Variants in ZNF383 observed in about 807,000 individuals in gnomAD.
ZNF383 encodes the protein zinc finger protein 383.
In ZNF383, 32 loss-of-function variants were observed where a neutral mutation model predicts 44.2. The observed-to-expected ratio is 0.72, with a 90% CI of 0.55 to 0.97. The LOEUF (loss-of-function observed/expected upper bound fraction) is 0.97, where lower values mean the gene tolerates loss of function less well. ZNF383 is among the 50% of genes least tolerant of loss of function. The pLI is 0.00. For missense variants in ZNF383, 487 were observed against 562.5 expected (o/e 0.87, Z 1.36); for synonymous variants, 155 against 186.2 (o/e 0.83, Z 1.36).
chr19:37,223,571 TTTGGG>T (rs1449691794), intron 1 of ZNF383, among the ~76,000 whole-genome samples: 1 of 152,074 alleles, frequency 6.6e-6, no homozygotes, highest in Non-Finnish European at 1.5e-5. Context: ...TATCCCAATG[TTTGGG>T]ATTTAAGCAA....
chr19:37,232,150 A>G (rs1973522219), intron 3 of ZNF383, among the ~76,000 whole-genome samples: 1 of 150,620 alleles, frequency 6.6e-6, no homozygotes, highest in Admixed American at 6.6e-5. Flanking sequence ...ATCTCGGCTC[A>G]CTGCAACCTC....
chr19:37,229,089 C>A (rs952324454), intron 2 of ZNF383, among the ~76,000 whole-genome samples: 2 of 147,654 alleles, frequency 1.4e-5, no homozygotes, highest in African/African-American at 2.5e-5. Flanking sequence ...AAAAGGAGTT[C>A]TTTCAGCACA....
At position 37,243,336 on chromosome 19, in the gene ZNF383, A is replaced by G; in HGVS notation, c.1100A>G (p.Asp367Gly). The change falls in exon 6 of 6, where the codon GAT (aspartate) becomes GGT (glycine). Residue 367 changes from aspartate to glycine, a missense_variant. Transcript: ENST00000684119. ...ATTCACACTGGTGAGAAACCCTATG[A>G]TTGTAAGGAATGTGGAAAGGCTTTT... ...QRIHTGEKPY[D>G]CKECGKAFTQ... The G allele has an allele frequency of 5.6e-6, 9 of 1,614,166 alleles. No homozygotes were observed. The highest frequency in any genetic ancestry group is 7.6e-6 in the Non-Finnish European group (9 of 1,180,024).
At position 37,235,556 on chromosome 19, in the gene ZNF383, T is replaced by A. The variant is rs564068780; in HGVS notation, c.17T>A (p.Val6Glu). 1.9e-6 allele frequency: 3 copies of A among 1,614,076 alleles called. No individual in the cohort carries two copies. Among genetic ancestry groups the A allele is most frequent in the East Asian group, 4.5e-5 (2 of 44,876 alleles). MAEGS[V>E]MFSDVSIDFS... ...GTATGTTTATTGTTTCAGGGATCAGTGATGTTCAGTGATGTGTCCATAGAC... is the reference window on the plus strand; with the variant it reads ...GTATGTTTATTGTTTCAGGGATCAGAGATGTTCAGTGATGTGTCCATAGAC... The change falls in exon 4 of 6, where the codon GTG (valine) becomes GAG (glutamate). Residue 6 changes from valine (V) to glutamate (E), a missense_variant. By Grantham distance (121) the Val-to-Glu change is moderately radical. Coordinates refer to ENST00000684119, the MANE Select transcript of ZNF383 (RefSeq NM_001387601.1).
chr19:37,240,015 C>T (rs1007342703), intron 5 of ZNF383, among the ~76,000 whole-genome samples: 51 of 152,058 alleles, frequency 3.4e-4, no homozygotes, highest in Admixed American at 1.5e-3. Context: ...AAAAATTAGC[C>T]GGGCGTGGTG....
At chr19:37,218,632 G>T (rs1972783211) in intron 1 of ZNF383, among the ~76,000 whole-genome samples, 1 of 152,096 alleles carries the variant, frequency 6.6e-6, no homozygotes, top group African/African-American at 2.4e-5. Context: ...CTGTGTGTTA[G>T]TCTGAGGGGT....
At chr19:37,233,438 T>A (rs767535670) in intron 3 of ZNF383, among the ~76,000 whole-genome samples, 1 of 140,934 alleles carries the variant, frequency 7.1e-6, no homozygotes, top group Non-Finnish European at 1.5e-5. Context: ...GCTGTTTTTA[T>A]TTTTTTTTTG....
rs1974296936 is a variant in ZNF383, at chr19:37,244,806, A to G, written c.*1142A>G. 1 of 152,232 alleles carries G rather than the reference A, an allele frequency of 6.6e-6. No individual in the cohort carries two copies. Among genetic ancestry groups the G allele is most frequent in the East Asian group, 1.9e-4 (1 of 5,202 alleles). 9.4% of individuals were successfully genotyped at this position (152,232 alleles called of 1,614,324 possible). On this transcript the variant is annotated 3_prime_UTR_variant, in exon 6 of 6. Coordinates refer to ENST00000684119, the MANE Select transcript of ZNF383 (RefSeq NM_001387601.1). The stretch of plus-strand genomic sequence containing the variant: ...GGCTGCTCTCAATTTGGTAGAGAAA[A>G]TCGTGCTATACTTTGCTTTTTTAAG...
intron 2 of ZNF383, among the ~76,000 whole-genome samples, chr19:37,228,271 T>A (rs1324149019): frequency 6.6e-6 from 1 of 152,148 alleles, no homozygotes; most frequent in Admixed American, 6.5e-5. Context: ...TGTTTTTTGG[T>A]CACTTTTTAT....
intron 3 of ZNF383, 119 bp from the exon 4 acceptor site, chr19:37,235,427 AGAT>A (rs1973737297): frequency 1.1e-6 from 1 of 945,552 alleles, no homozygotes; most frequent in African/African-American, 1.7e-5. Flanking sequence ...TGAAATCTAA[AGAT>A]ACAGGTTCTC....
At position 37,232,568 on chromosome 19, in the gene ZNF383, C is replaced by G. The variant is rs894943563; in HGVS notation, c.9+2106C>G. 2.0e-5 allele frequency among the ~76,000 whole-genome samples: 3 copies of G among 151,886 alleles called. No homozygotes were observed. In the East Asian group the frequency reaches 5.8e-4, roughly 29 times the overall value. On this transcript the variant is annotated intron_variant, in intron 3 of 5. Transcript: ENST00000684119. ...GTTCTCTTTCTTTTTGTAATATTAC[C>G]AGTTATTGATAATTTTTAGATTCAT...
intron 5 of ZNF383, among the ~76,000 whole-genome samples, chr19:37,237,068 TCAGA>T (rs1267906841): frequency 6.6e-6 from 1 of 152,118 alleles, no homozygotes; most frequent in African/African-American, 2.4e-5. Flanking sequence ...ACCTGTTTTA[TCAGA>T]CTGTCTTCAA....
At chr19:37,234,908 C>T (rs1335462567) in intron 3 of ZNF383, among the ~76,000 whole-genome samples, 4 of 152,088 alleles carry the variant, frequency 2.6e-5, no homozygotes, top group Non-Finnish European at 2.9e-5. Flanking sequence ...AAAAGTTGCT[C>T]TTGTGGATTT....
At chr19:37,232,144 C>T (rs1301256587) in intron 3 of ZNF383, among the ~76,000 whole-genome samples, 11 of 151,052 alleles carry the variant, frequency 7.3e-5, no homozygotes, top group African/African-American at 1.5e-4. Flanking sequence ...GGCACGATCT[C>T]GGCTCACTGC....
chr19:37,237,020 G>A (rs749899795), intron 5 of ZNF383, among the ~76,000 whole-genome samples: 5 of 147,570 alleles, frequency 3.4e-5, no homozygotes, highest in Admixed American at 3.4e-4. Flanking sequence ...CACACCCCTT[G>A]CCCAAGTACT....
chr19:37,232,147 C>G (rs909472891), intron 3 of ZNF383, among the ~76,000 whole-genome samples: 2 of 151,612 alleles, frequency 1.3e-5, no homozygotes, highest in Admixed American at 1.3e-4. Flanking sequence ...ACGATCTCGG[C>G]TCACTGCAAC....
intron 5 of ZNF383, among the ~76,000 whole-genome samples, chr19:37,241,199 A>G (rs1435240575): frequency 6.6e-6 from 1 of 152,130 alleles, no homozygotes; most frequent in African/African-American, 2.4e-5. Context: ...TTCTGACACT[A>G]TTCAGGATGT....
chr19:37,245,502 G>GT lies in ZNF383; in HGVS notation c.*1840dup, dbSNP rs34845070. 0.28 allele frequency: 41,632 copies of GT among 148,838 alleles called. 7,358 individuals carry two copies. The highest frequency in any genetic ancestry group is 0.48 in the African/African-American group (19,464 of 40,370). 9.2% of individuals were successfully genotyped at this position (148,838 alleles called of 1,614,324 possible). A position where few individuals can be genotyped will look rare whatever the true frequency, so the allele number is the denominator to read the frequency against. On this transcript the variant is annotated 3_prime_UTR_variant, in exon 6 of 6. Transcript: ENST00000684119. ...TGTTTTTTTTTTTTTTTGAGATGGA[G>GT]TTCACTCTGTTGCCCAGGCTGAAGT... is the stretch of plus-strand genomic sequence containing the variant.
At chr19:37,228,619 G>C (rs1353367988) in intron 2 of ZNF383, among the ~76,000 whole-genome samples, 1 of 151,926 alleles carries the variant, frequency 6.6e-6, no homozygotes, top group Non-Finnish European at 1.5e-5. Context: ...TTGGTTTTGT[G>C]TGTGTCTACT....
Sources: allele counts gnomAD v4.1 joint callset (sites outside exome capture counted in the v4.1 genomes callset), GRCh38; gene constraint gnomAD v4.1.1; transcripts MANE v1.5; gene names NCBI Gene and HGNC (gene_info 2026-07-23, HGNC 2026-07-21).